Variants in MACROD2 observed in about 807,000 individuals in gnomAD.
The protein encoded by MACROD2 is ADP-ribose glycohydrolase MACROD2.
Under a neutral mutation model 70.4 loss-of-function variants are expected in MACROD2, and 36 were observed. The observed-to-expected ratio is 0.51, with a 90% CI of 0.39 to 0.68. MACROD2 has a LOEUF of 0.68. Among genes scored for constraint, MACROD2 ranks in the 30% least tolerant of loss-of-function variants. The pLI is 0.00. For synonymous variants in MACROD2, 172 were observed against 178.8 expected, an observed-to-expected ratio of 0.96 and a Z score of 0.30; for missense variants, 496 against 538.4, an observed-to-expected ratio of 0.92 and a Z score of 0.78.
At chr20:14,544,600 T>C (rs2085470409) in intron 4 of MACROD2, among the ~76,000 whole-genome samples, 1 of 152,174 alleles carries the variant, frequency 6.6e-6, no homozygotes, top group Non-Finnish European at 1.5e-5. Context: ...ATGATTTCCA[T>C]TTGAGTTGCT....
At chr20:14,740,220 T>A (rs1454419902) in intron 5 of MACROD2, among the ~76,000 whole-genome samples, 1 of 152,122 alleles carries the variant, frequency 6.6e-6, no homozygotes, top group African/African-American at 2.4e-5. Context: ...TTTCTTAAAA[T>A]CACACAAGGT....
At chr20:14,823,317 T>G (rs1013166982) in intron 5 of MACROD2, among the ~76,000 whole-genome samples, 1 of 152,172 alleles carries the variant, frequency 6.6e-6, no homozygotes, top group African/African-American at 2.4e-5. Flanking sequence ...TAGCAATGCT[T>G]AAGTTATTTG....
chr20:16,040,060 C>T (rs867798152), intron 15 of MACROD2, among the ~76,000 whole-genome samples: 3 of 152,040 alleles, frequency 2.0e-5, no homozygotes, highest in Non-Finnish European at 2.9e-5. Context: ...ATAAATGCCC[C>T]TACACTTCAG....
chr20:14,409,147 CT>C (rs11425504), intron 3 of MACROD2, among the ~76,000 whole-genome samples: 475 of 127,574 alleles, frequency 3.7e-3, no homozygotes, highest in South Asian at 0.016. Flanking sequence ...TCTGTTTTGG[CT>C]TTTTTTTTTT....
chr20:14,665,896 C>T (rs1314548268), intron 4 of MACROD2, among the ~76,000 whole-genome samples: 1 of 152,104 alleles, frequency 6.6e-6, no homozygotes, highest in East Asian at 1.9e-4. Context: ...GCACCATTTT[C>T]TTCTGCCTCC....
At chr20:15,952,096 GCTCT>G in intron 12 of MACROD2, among the ~76,000 whole-genome samples, 1 of 152,060 alleles carries the variant, frequency 6.6e-6, no homozygotes, top group East Asian at 1.9e-4. Context: ...CCCTGCATAA[GCTCT>G]CTCTTTGCCT....
At chr20:15,342,688 T>A (rs1400460088) in intron 6 of MACROD2, among the ~76,000 whole-genome samples, 3 of 152,120 alleles carry the variant, frequency 2.0e-5, no homozygotes, top group Non-Finnish European at 4.4e-5. Flanking sequence ...ACTAAATTAC[T>A]GTAATATAGT....
intron 2 of MACROD2, among the ~76,000 whole-genome samples, chr20:14,020,367 A>C (rs1356242660): frequency 1.3e-5 from 2 of 152,100 alleles, no homozygotes; most frequent in East Asian, 3.9e-4. Context: ...CAGCTACTCG[A>C]GAGGCTGAGG....
chr20:15,533,341 C>T (rs753509750), intron 8 of MACROD2, among the ~76,000 whole-genome samples: 3 of 152,090 alleles, frequency 2.0e-5, no homozygotes, highest in South Asian at 2.1e-4. Context: ...GTACATAGAT[C>T]GTGATAATTT....
chr20:15,140,212 C>G (rs1372846445), intron 5 of MACROD2, among the ~76,000 whole-genome samples: 1 of 152,180 alleles, frequency 6.6e-6, no homozygotes, highest in African/African-American at 2.4e-5. Flanking sequence ...TCCTGACCCT[C>G]CTTTTTCCCT....
intron 6 of MACROD2, among the ~76,000 whole-genome samples, chr20:15,374,153 T>G (rs1379451346): frequency 6.6e-6 from 1 of 152,000 alleles, no homozygotes; most frequent in East Asian, 1.9e-4. Context: ...CAGAGGGAAA[T>G]ATATGTATAA....
At chr20:14,132,730 C>T (rs77024960) in intron 3 of MACROD2, among the ~76,000 whole-genome samples, 3 of 152,060 alleles carry the variant, frequency 2.0e-5, no homozygotes, top group Non-Finnish European at 4.4e-5. Context: ...CTTGAACCCC[C>T]CAGCCTCAAG....
intron 3 of MACROD2, among the ~76,000 whole-genome samples, chr20:14,297,647 C>T (rs2082438413): frequency 6.6e-6 from 1 of 151,858 alleles, no homozygotes; most frequent in African/African-American, 2.4e-5. Flanking sequence ...GAGGTTGGTT[C>T]CTGAGGTTTA....
intron 3 of MACROD2, chr20:14,327,038 G>A (rs1486368839): frequency 1.9e-6 from 3 of 1,613,674 alleles, no homozygotes; most frequent in Non-Finnish European, 2.5e-6. Flanking sequence ...AAAAGCAGTC[G>A]GAGATAGTTG....
intron 8 of MACROD2, among the ~76,000 whole-genome samples, chr20:15,727,045 G>A (rs561911848): frequency 6.6e-6 from 1 of 152,110 alleles, no homozygotes; most frequent in African/African-American, 2.4e-5. Flanking sequence ...TATCTTCTGG[G>A]ATTTTTATAG....
chr20:14,265,923 C>T (rs909002739), intron 3 of MACROD2, among the ~76,000 whole-genome samples: 1 of 152,068 alleles, frequency 6.6e-6, no homozygotes, highest in African/African-American at 2.4e-5. Flanking sequence ...ACTACAGGCG[C>T]ATGCCACCAC....
chr20:14,664,448 C>G (rs1390813600), intron 4 of MACROD2, among the ~76,000 whole-genome samples: 1 of 152,056 alleles, frequency 6.6e-6, no homozygotes. Flanking sequence ...GTAATAATAA[C>G]CATTGGTTGC....
chr20:15,841,441 G>T (rs900219187), intron 8 of MACROD2, among the ~76,000 whole-genome samples: 3 of 152,242 alleles, frequency 2.0e-5, no homozygotes, highest in African/African-American at 7.2e-5. Flanking sequence ...AATCTGCCTG[G>T]GTTCTGGGGA....
At chr20:15,397,957 A>G (rs923161846) in intron 6 of MACROD2, among the ~76,000 whole-genome samples, 3 of 152,186 alleles carry the variant, frequency 2.0e-5, no homozygotes, top group Non-Finnish European at 4.4e-5. Flanking sequence ...GCAGAGAAAA[A>G]CTATAGCTTC....
Sources: gnomAD v4.1 joint callset for allele counts (sites outside exome capture counted in the v4.1 genomes callset) on GRCh38, gnomAD v4.1.1 for gene constraint, MANE v1.5 for transcripts, NCBI Gene and HGNC (gene_info 2026-07-23, HGNC 2026-07-21) for gene names.